APBB2: variants seen among roughly 807,000 people sequenced by gnomAD.
APBB2 encodes the protein amyloid beta precursor protein binding family B member 2.
A neutral mutation model predicts 82.5 loss-of-function variants in APBB2; 38 were observed. The observed-to-expected ratio is 0.46, with a 90% CI of 0.36 to 0.60. The LOEUF (loss-of-function observed/expected upper bound fraction) is 0.60, where lower values mean the gene tolerates loss of function less well. Among genes scored for constraint, APBB2 ranks in the 20% least tolerant of loss-of-function variants. The pLI, the probability that APBB2 is intolerant of heterozygous loss-of-function variation, is 0.00. For missense variants in APBB2, 772 were observed against 972.3 expected, an observed-to-expected ratio of 0.79 and a Z score of 2.74; for synonymous variants, 341 against 368.2, an observed-to-expected ratio of 0.93 and a Z score of 0.85.
In APBB2 at chr4:40,972,427, CAA is replaced by C. The variant is rs11349428; in HGVS notation, c.836-27356_836-27355del. On this transcript the variant is annotated intron_variant, in intron 6 of 17. Coordinates refer to ENST00000508593, the MANE Select transcript of APBB2 (RefSeq NM_004307.2). Reference sequence around the variant, plus strand: ...TGGGTGACAGAGCGAGACTCCATCTCAAAAAAAAAAAAAATAATAATAAATAA... The same window carrying C: ...TGGGTGACAGAGCGAGACTCCATCTCAAAAAAAAAAAATAATAATAAATAA... 6.5e-3 allele frequency among the ~76,000 whole-genome samples: 827 copies of C among 126,360 alleles called. 8 individuals are homozygous for C. The highest frequency in any genetic ancestry group is 0.023 in the African/African-American group (744 of 32,792). 82.9% of individuals were successfully genotyped at this position (126,360 alleles called of 152,430 possible). A position where few individuals can be genotyped will look rare whatever the true frequency, so the allele number is the denominator to read the frequency against.
intron 2 of APBB2, among the ~76,000 whole-genome samples, chr4:41,123,467 A>G (rs1360419782): frequency 6.6e-6 from 1 of 152,182 alleles, no homozygotes; most frequent in Non-Finnish European, 1.5e-5. Flanking sequence ...CTGCCATCCA[A>G]CATGAGGATA....
intron 2 of APBB2, among the ~76,000 whole-genome samples, chr4:41,138,474 T>C (rs1223234165): frequency 6.6e-6 from 1 of 151,256 alleles, no homozygotes; most frequent in Non-Finnish European, 1.5e-5. Context: ...GTGCAAATCA[T>C]ATATCCAATA....
chr4:41,064,439 C>T (rs1579700423), intron 4 of APBB2, among the ~76,000 whole-genome samples: 1 of 152,200 alleles, frequency 6.6e-6, no homozygotes, highest in Admixed American at 6.5e-5. Flanking sequence ...GGCAAAAGCA[C>T]TTATGGGGAA....
intron 6 of APBB2, among the ~76,000 whole-genome samples, chr4:40,946,222 A>G (rs147926517): frequency 0.2 from 23,068 of 116,626 alleles, 2,238 homozygotes; most frequent in Middle Eastern, 0.28. Flanking sequence ...ACAGAGTGAG[A>G]CTCTATCTCC....
At chr4:40,911,284 G>A (rs1322729938) in intron 10 of APBB2, among the ~76,000 whole-genome samples, 1 of 152,240 alleles carries the variant, frequency 6.6e-6, no homozygotes, top group East Asian at 1.9e-4. Flanking sequence ...TGGTATACTC[G>A]GGGGTCCTGG....
intron 6 of APBB2, among the ~76,000 whole-genome samples, chr4:40,982,221 G>GAAAAGAAA (rs766666523): frequency 0.095 from 1,228 of 12,874 alleles, 311 homozygotes; most frequent in Non-Finnish European, 0.11. Context: ...AGAAAAGAAA[G>GAAAAGAAA]GAAAGAAAGA....
At chr4:40,886,229 G>A (rs1013340836) in intron 12 of APBB2, among the ~76,000 whole-genome samples, 13 of 152,262 alleles carry the variant, frequency 8.5e-5, no homozygotes, top group Non-Finnish European at 1.9e-4. Flanking sequence ...CTGTAATCCC[G>A]GCACTTTGGG....
chr4:41,080,259 T>C (rs1176670776), intron 3 of APBB2, among the ~76,000 whole-genome samples: 1 of 152,244 alleles, frequency 6.6e-6, no homozygotes, highest in African/African-American at 2.4e-5. Flanking sequence ...ACACTGAACC[T>C]GGGCAATTTA....
chr4:41,016,205 T>G (rs1809894102), intron 5 of APBB2, among the ~76,000 whole-genome samples: 1 of 152,222 alleles, frequency 6.6e-6, no homozygotes, highest in Non-Finnish European at 1.5e-5. Flanking sequence ...TTAGGCTGCT[T>G]TATGATGCTA....
intron 6 of APBB2, among the ~76,000 whole-genome samples, chr4:40,946,184 A>T (rs1015596661): frequency 6.9e-6 from 1 of 145,448 alleles, no homozygotes; most frequent in Non-Finnish European, 1.5e-5. Context: ...GTGAGCTGAG[A>T]TCACACCGTT....
intron 1 of APBB2, among the ~76,000 whole-genome samples, chr4:41,208,592 A>C (rs1342829744): frequency 1.3e-5 from 2 of 152,124 alleles, no homozygotes; most frequent in Non-Finnish European, 2.9e-5. Flanking sequence ...CTTAAAAAAA[A>C]CGACACTCTT....
At chr4:40,879,163 CTT>C (rs1767691847) in intron 12 of APBB2, among the ~76,000 whole-genome samples, 3 of 123,788 alleles carry the variant, frequency 2.4e-5, no homozygotes, top group Admixed American at 2.3e-4. Context: ...ACTCTACTGT[CTT>C]CTTATCTTAA....
At chr4:41,128,376 A>T (rs1755018760) in intron 2 of APBB2, among the ~76,000 whole-genome samples, 1 of 152,236 alleles carries the variant, frequency 6.6e-6, no homozygotes, top group Non-Finnish European at 1.5e-5. Flanking sequence ...CAAAGAACTT[A>T]GGACTGCCAT....
chr4:40,967,767 G>A (rs113904748), intron 6 of APBB2, among the ~76,000 whole-genome samples: 8 of 152,160 alleles, frequency 5.3e-5, no homozygotes, highest in South Asian at 2.1e-4. Flanking sequence ...CAGCAGGCCC[G>A]AGCAAAACTC....
chr4:41,175,036 C>T (rs928692165), intron 1 of APBB2, among the ~76,000 whole-genome samples: 4 of 152,136 alleles, frequency 2.6e-5, no homozygotes, highest in Admixed American at 2.6e-4. Flanking sequence ...GTTCCTCTAC[C>T]ATGAGTATTA....
chr4:41,175,127 TAAC>T (rs1352406590), intron 1 of APBB2, among the ~76,000 whole-genome samples: 4 of 152,202 alleles, frequency 2.6e-5, no homozygotes, highest in Non-Finnish European at 5.9e-5. Flanking sequence ...TTAGATAGGT[TAAC>T]AAGCAAGATG....
chr4:41,147,232 G>T (rs1761023262), intron 1 of APBB2, among the ~76,000 whole-genome samples: 1 of 152,180 alleles, frequency 6.6e-6, no homozygotes, highest in African/African-American at 2.4e-5. Flanking sequence ...TTTAAATGTA[G>T]CAGTCTGATA....
chr4:40,940,392 G>A (rs1786556704), intron 7 of APBB2, among the ~76,000 whole-genome samples: 1 of 152,188 alleles, frequency 6.6e-6, no homozygotes, highest in South Asian at 2.1e-4. Flanking sequence ...GTGATCCCCA[G>A]AGGTTCTCCT....
At chr4:41,161,941 G>T (rs1765273893) in intron 1 of APBB2, among the ~76,000 whole-genome samples, 1 of 152,104 alleles carries the variant, frequency 6.6e-6, no homozygotes, top group African/African-American at 2.4e-5. Flanking sequence ...CAACTTCAAT[G>T]ATTATTAACT....
Sources: allele counts gnomAD v4.1 joint callset (sites outside exome capture counted in the v4.1 genomes callset), GRCh38; gene constraint gnomAD v4.1.1; transcripts MANE v1.5; gene names NCBI Gene and HGNC (gene_info 2026-07-23, HGNC 2026-07-21).